The following BET1 variants were observed in gnomAD, a reference collection of about 807,000 sequenced individuals.
BET1 encodes BET1 homolog.
Under a neutral mutation model 13.9 loss-of-function variants are expected in BET1, and 9 were observed. The observed-to-expected ratio is 0.65, with a 90% CI of 0.39 to 1.13. BET1 has a LOEUF of 1.13. BET1 is among the 50% of genes most tolerant of loss of function. The pLI is 0.01. For missense variants in BET1, 127 were observed against 133.6 expected, an observed-to-expected ratio of 0.95 and a Z score of 0.24; for synonymous variants, 39 against 47.3, an observed-to-expected ratio of 0.82 and a Z score of 0.72.
At chr7:93,991,744 C>G (rs961831084), downstream of BET1, 48 of 925,590 alleles carry the variant, frequency 5.2e-5, no homozygotes, top group South Asian at 9.0e-4. Flanking sequence ...ACTTCATAGC[C>G]TTTGGTCTTA....
exon 7 of BET1, chr7:93,964,485 T>C (rs1377959566): frequency 1.3e-5 from 2 of 152,142 alleles, no homozygotes; most frequent in Admixed American, 1.3e-4. Flanking sequence ...ATGGCATATA[T>C]GTACCACATT....
At chr7:93,972,078 C>T (rs188388408) in intron 6 of BET1, among the ~76,000 whole-genome samples, 12 of 151,918 alleles carry the variant, frequency 7.9e-5, no homozygotes, top group South Asian at 6.2e-4. Flanking sequence ...GAATAACATT[C>T]GACATCAAAT....
At chr7:93,975,283 A>C (rs1225517028) in intron 5 of BET1, among the ~76,000 whole-genome samples, 1 of 152,130 alleles carries the variant, frequency 6.6e-6, no homozygotes. Flanking sequence ...CCATTAAAGC[A>C]ACTGTATTTT....
chr7:93,975,780 C>A (rs1795325860), intron 5 of BET1: 1 of 380,132 alleles, frequency 2.6e-6, no homozygotes, highest in Non-Finnish European at 3.9e-6. Flanking sequence ...GCTACTTTCT[C>A]TTGAGTAATT....
intron 2 of BET1, among the ~76,000 whole-genome samples, chr7:93,998,235 T>G (rs1354900122): frequency 6.6e-6 from 1 of 152,202 alleles, no homozygotes; most frequent in Non-Finnish European, 1.5e-5. Flanking sequence ...CTACGAAGCA[T>G]GAACTTTATT....
intron 6 of BET1, among the ~76,000 whole-genome samples, chr7:93,970,109 A>C (rs561474370): frequency 1.3e-4 from 20 of 151,964 alleles, no homozygotes; most frequent in African/African-American, 4.8e-4. Context: ...ACATTAGAGT[A>C]TTTGCATTAA....
At chr7:93,985,172 A>G (rs1462659315) in intron 4 of BET1, among the ~76,000 whole-genome samples, 1 of 152,124 alleles carries the variant, frequency 6.6e-6, no homozygotes, top group Non-Finnish European at 1.5e-5. Flanking sequence ...AAATATGGCT[A>G]CTGTTGCTGG....
At chr7:93,973,898 C>T (rs751251525) in intron 5 of BET1, among the ~76,000 whole-genome samples, 27 of 151,944 alleles carry the variant, frequency 1.8e-4, no homozygotes, top group Non-Finnish European at 2.9e-4. Flanking sequence ...AAAAGAAGAA[C>T]TAACTTATTT....
chr7:93,999,952 C>T (rs894545930), intron 1 of BET1, among the ~76,000 whole-genome samples: 3 of 152,106 alleles, frequency 2.0e-5, no homozygotes, highest in African/African-American at 7.2e-5. Context: ...TTATGGAACT[C>T]TAAGGGATAA....
chr7:93,966,222 G>T (rs1181938393), intron 6 of BET1, among the ~76,000 whole-genome samples: 1 of 151,858 alleles, frequency 6.6e-6, no homozygotes, highest in Non-Finnish European at 1.5e-5. Context: ...AGAGAGAATG[G>T]GATGCTTCTC....
chr7:93,996,544 T>C (rs6962800), intron 2 of BET1, among the ~76,000 whole-genome samples: 20,196 of 151,898 alleles, frequency 0.13, 3,929 homozygotes, highest in African/African-American at 0.43. Context: ...CTCTTTATTT[T>C]AATTTCATCT....
At chr7:93,984,322 A>G (rs1476566903) in intron 4 of BET1, among the ~76,000 whole-genome samples, 4 of 152,150 alleles carry the variant, frequency 2.6e-5, no homozygotes, top group African/African-American at 7.2e-5. Flanking sequence ...ATCTGCAATG[A>G]TGCTATTTCC....
At chr7:93,980,155 GA>G (rs1345021739) in intron 4 of BET1, among the ~76,000 whole-genome samples, 3 of 152,086 alleles carry the variant, frequency 2.0e-5, no homozygotes, top group Non-Finnish European at 2.9e-5. Flanking sequence ...TCCCAACAAA[GA>G]AAAGCCCAGG....
exon 7 of BET1, chr7:93,964,835 G>A (rs1054562511): frequency 6.6e-6 from 1 of 152,014 alleles, no homozygotes; most frequent in African/African-American, 2.4e-5. Flanking sequence ...AGATGCTGGC[G>A]GGGCTGCAGA....
At chr7:93,997,314 A>G (rs901266569) in intron 2 of BET1, among the ~76,000 whole-genome samples, 1 of 152,190 alleles carries the variant, frequency 6.6e-6, no homozygotes. Flanking sequence ...TCCCAGATTT[A>G]ACAACTCAGA....
downstream of BET1, chr7:93,992,576 T>C (rs113823887): frequency 0.012 from 12,204 of 985,388 alleles, 103 homozygotes; most frequent in Non-Finnish European, 0.014. Flanking sequence ...CTTGAATGAA[T>C]GAGTCACTCT....
In BET1 at chr7:94,004,241, G is replaced by A; in HGVS notation, c.-25C>T. 1.2e-6 allele frequency: 2 copies of A among 1,614,068 alleles called. No homozygotes were observed. The highest frequency in any genetic ancestry group is 1.7e-6 in the Non-Finnish European group (2 of 1,179,992). On this transcript the variant is annotated 5_prime_UTR_variant, in exon 1 of 4. Coordinates refer to ENST00000222547, the MANE Select transcript of BET1 (RefSeq NM_005868.6). ...TCCTGCCAGAGGAGAGAGAGAAAAG[G>A]CGGGTGCGGGGCTTTGGGTGAGTAG... is the stretch of plus-strand genomic sequence containing the variant.
downstream of BET1, chr7:93,992,781 A>G (rs115103998): frequency 1.3e-3 from 1,206 of 900,704 alleles, 10 homozygotes; most frequent in African/African-American, 0.021. Flanking sequence ...CAACTATCCT[A>G]TGAAATAGAT....
In BET1 at chr7:94,004,251, G is replaced by A. The variant is rs754601190; in HGVS notation, c.-35C>T. Reference sequence around the variant, plus strand: ...GGAGAGAGAGAAAAGGCGGGTGCGGGGCTTTGGGTGAGTAGGAAACAGCTA... The same window carrying A: ...GGAGAGAGAGAAAAGGCGGGTGCGGAGCTTTGGGTGAGTAGGAAACAGCTA... On this transcript the variant is annotated 5_prime_UTR_variant, in exon 1 of 4. Coordinates refer to ENST00000222547, the MANE Select transcript of BET1 (RefSeq NM_005868.6). The A allele has an allele frequency of 3.1e-6, 5 of 1,613,952 alleles. No individual in the cohort carries two copies. In the Admixed American group the frequency reaches 6.7e-5, roughly 22 times the overall value.
Sources: gnomAD v4.1 joint callset for allele counts (sites outside exome capture counted in the v4.1 genomes callset) on GRCh38, gnomAD v4.1.1 for gene constraint, MANE v1.5 for transcripts, NCBI Gene and HGNC (gene_info 2026-07-23, HGNC 2026-07-21) for gene names.